HPS1: variants seen among roughly 807,000 people sequenced by gnomAD.
HPS1 encodes the protein HPS1 biogenesis of lysosomal organelles complex 3 subunit 1.
Under a neutral mutation model 90.6 loss-of-function variants are expected in HPS1, and 59 were observed. The observed-to-expected ratio is 0.65, with a 90% CI of 0.53 to 0.81. The LOEUF is 0.81. Ranked by LOEUF, HPS1 falls within the 30% of genes least tolerant of loss-of-function variation. The pLI is 0.00. For missense variants in HPS1, 849 were observed against 896.7 expected (o/e 0.95, Z 0.68); for synonymous variants, 388 against 384.4 (o/e 1.01, Z -0.11).
chr10:98,415,730 G>C (rs1403785947), downstream of HPS1, among the ~76,000 whole-genome samples: 1 of 152,216 alleles, frequency 6.6e-6, no homozygotes, highest in Non-Finnish European at 1.5e-5. Flanking sequence ...AGCTGTGTCT[G>C]TCGCTGAGGA....
chr10:98,415,162 G>A (rs758285830), downstream of HPS1: 5 of 1,607,482 alleles, frequency 3.1e-6, no homozygotes, highest in East Asian at 2.2e-5. Context: ...GCCTTGCTAG[G>A]CAGGGAGTTT....
chr10:98,422,504 T>C lies in HPS1; in HGVS notation c.1608A>G (p.Glu536=). 2 of 1,613,974 alleles carry C rather than the reference T, an allele frequency of 1.2e-6. No individual in the cohort carries two copies. The highest frequency in any genetic ancestry group is 1.7e-6 in the Non-Finnish European group (2 of 1,180,006). The change falls in exon 17 of 20, where the codon GAA becomes GAG. Residue 536 remains glutamate (E), a synonymous_variant. Transcript: ENST00000361490. ...RRNITMVSYL[E]DFPGLVHFIY... ...TGAAGTGCACCAAGCCTGGGAAGTC[T>C]TCTAGGTAGGTGAAGGTCTGAGTTA...
chr10:98,418,305 G>T (rs1346085941), intron 18 of HPS1, 48 bp from the exon 19 acceptor site: 2 of 1,125,952 alleles, frequency 1.8e-6, no homozygotes, highest in Admixed American at 1.9e-5. Flanking sequence ...TAGTGCAAGG[G>T]CCTGAGTCAG....
At position 98,430,441 on chromosome 10, in the gene HPS1, C is replaced by T; in HGVS notation, c.768+130G>A. On this transcript the variant is annotated intron_variant, in intron 8 of 19. Coordinates refer to ENST00000361490, the MANE Select transcript of HPS1 (RefSeq NM_000195.5). ...AAAGCAGTGGGAAAGAAGTCACGCC[C>T]AACCACACACCCAGAATTGTGACTT... 8.0e-6 allele frequency: 6 copies of T among 746,388 alleles called. No homozygotes were observed. The South Asian group carries it at 8.9e-5, about 11-fold the overall frequency. 46.2% of individuals were successfully genotyped at this position (746,388 alleles called of 1,614,324 possible).
intron 6 of HPS1, 100 bp from the exon 7 acceptor site, chr10:98,431,391 T>G (rs1399580823): frequency 7.9e-7 from 1 of 1,263,316 alleles, no homozygotes; most frequent in Non-Finnish European, 1.1e-6. Flanking sequence ...CACAGTGAGC[T>G]TGGACTCTGC....
At position 98,445,197 on chromosome 10, in the gene HPS1, T is replaced by C. The variant is rs1939274083; in HGVS notation, c.-1+103A>G. 1 of 152,480 alleles carries C rather than the reference T, an allele frequency of 6.6e-6. No homozygotes were observed. The highest frequency in any genetic ancestry group is 1.5e-5 in the Non-Finnish European group (1 of 68,326). The allele number at this position is 152,480 out of a possible 1,614,324, so 9.4% of individuals were successfully genotyped here. On this transcript the variant is annotated intron_variant, in intron 2 of 19. Transcript: ENST00000361490. The surrounding 1 kb of genome is among the most constrained non-coding windows in gnomAD (Gnocchi z 4.5). ...GGATGAGCAGGTGTGCAGAGCCCAG[T>C]AGCACTCAGTCCACTGCCTACCTCA... is the stretch of plus-strand genomic sequence containing the variant.
chr10:98,435,452 G>A lies in HPS1; in HGVS notation c.256-38C>T. The A allele has an allele frequency of 6.2e-7, 1 of 1,613,536 alleles. No homozygotes were observed. Among genetic ancestry groups the A allele is most frequent in the Non-Finnish European group, 8.5e-7 (1 of 1,179,936 alleles). On this transcript the variant is annotated intron_variant, in intron 4 of 19. Coordinates refer to ENST00000361490, the MANE Select transcript of HPS1 (RefSeq NM_000195.5). The surrounding 1 kb of genome is among the most constrained non-coding windows in gnomAD (Gnocchi z 4.3). ...GCAGGCCAGTGTCAGCCAGCCCCAA[G>A]GGCACTCCCTTCACCTGCCCTGGTC...
chr10:98,426,437 G>C (rs1845612457), intron 11 of HPS1, among the ~76,000 whole-genome samples: 1 of 152,246 alleles, frequency 6.6e-6, no homozygotes, highest in African/African-American at 2.4e-5. Context: ...AAATGGGCAA[G>C]GCTCCAGCCT....
At chr10:98,433,049 T>G (rs769246863) in intron 6 of HPS1, among the ~76,000 whole-genome samples, 3 of 151,882 alleles carry the variant, frequency 2.0e-5, no homozygotes, top group Non-Finnish European at 2.9e-5. Flanking sequence ...CTGACCAACA[T>G]AGTGAAACCC....
chr10:98,446,830 G>A lies in HPS1; in HGVS notation c.-129C>T, dbSNP rs1008151971. On this transcript the variant is annotated 5_prime_UTR_variant, in exon 1 of 20. Coordinates refer to ENST00000361490, the MANE Select transcript of HPS1 (RefSeq NM_000195.5). ...ACCTCACTTCCGGGAGGGTTGAAGG[G>A]GGGCTCCGGAGGGAGGATCGCCGCC... The A allele has an allele frequency of 6.6e-6, 1 of 152,238 alleles. No individual in the cohort carries two copies. Among genetic ancestry groups the A allele is most frequent in the African/African-American group, 2.4e-5 (1 of 41,454 alleles). The allele number at this position is 152,238 out of a possible 1,614,324, so 9.4% of individuals were successfully genotyped here.
At chr10:98,426,052 A>C in intron 11 of HPS1, 67 bp from the exon 12 acceptor site, 1 of 1,364,292 alleles carries the variant, frequency 7.3e-7, no homozygotes, top group Non-Finnish European at 1.0e-6. Context: ...TTGCGGCCCT[A>C]TCTGTGAACC....
chr10:98,441,055 A>C (rs1442234745), intron 3 of HPS1, among the ~76,000 whole-genome samples: 1 of 152,188 alleles, frequency 6.6e-6, no homozygotes, highest in Non-Finnish European at 1.5e-5. Flanking sequence ...TGTTGATGGT[A>C]AATGGACTCC....
intron 3 of HPS1, among the ~76,000 whole-genome samples, chr10:98,437,382 C>T (rs1847492758): frequency 6.6e-6 from 1 of 152,200 alleles, no homozygotes; most frequent in Non-Finnish European, 1.5e-5. Flanking sequence ...ACTTATGAAT[C>T]TAGATGTTGA....
At chr10:98,428,838 G>GTT (rs1408848846) in intron 10 of HPS1, among the ~76,000 whole-genome samples, 3 of 149,150 alleles carry the variant, frequency 2.0e-5, no homozygotes, top group East Asian at 2.0e-4. Context: ...AATATTTGTA[G>GTT]TTTTGTTTTG....
Position 98,425,845 on chromosome 10 carries a change from C to G in HPS1, c.1128G>C (p.Gln376His). The stretch of plus-strand genomic sequence containing the variant: ...TGGTCAGGAGCACCAGGTTGATGCC[C>G]TGCCACAGGGGCAGGCAGTACATGG... ...PHTMYCLPLW[Q>H]GINLVLLTRS... The change falls in exon 12 of 20, where the codon CAG (glutamine) becomes CAC (histidine). Residue 376 changes from glutamine to histidine, a missense_variant. Physicochemically the swap from Gln to His is conservative, Grantham distance 24 (BLOSUM62 0). Transcript: ENST00000361490. 1 of 1,614,020 alleles carries G rather than the reference C, an allele frequency of 6.2e-7. No homozygotes were observed. The highest frequency in any genetic ancestry group is 1.1e-5 in the South Asian group (1 of 91,082).
At position 98,429,761 on chromosome 10, in the gene HPS1, C is replaced by G; in HGVS notation, c.867+30G>C. ...CCTGCAGAGGCCGATCCCCTCCTGC[C>G]CCTGACTCCACGAAGTGCACAGCAC... On this transcript the variant is annotated intron_variant, in intron 9 of 19. Coordinates refer to ENST00000361490, the MANE Select transcript of HPS1 (RefSeq NM_000195.5). 3 of 1,613,538 alleles carry G rather than the reference C, an allele frequency of 1.9e-6. No homozygotes were observed. In the South Asian group the frequency reaches 3.3e-5, roughly 18 times the overall value.
chr10:98,433,315 G>A (rs1846787897), intron 6 of HPS1, among the ~76,000 whole-genome samples: 1 of 151,844 alleles, frequency 6.6e-6, no homozygotes, highest in Non-Finnish European at 1.5e-5. Context: ...GTGAGGCCCA[G>A]TAACCTGTAT....
At chr10:98,431,423 G>T (rs1429188079) in intron 6 of HPS1, 132 bp from the exon 7 acceptor site, 1 of 951,846 alleles carries the variant, frequency 1.1e-6, no homozygotes, top group East Asian at 2.6e-5. Context: ...GGAAACAGGG[G>T]GACTAAGACC....
chr10:98,423,814 G>A lies in HPS1; in HGVS notation c.1471C>T (p.Pro491Ser), dbSNP rs767400583. ...IYRLNFLTTA[P>S]SRGGPHLPQH... ...GGCAGGTGTGGGCCTCCCCTGCTGG[G>A]GGCTGTGGTCAGAAAGTTCAGCCGG... is the stretch of plus-strand genomic sequence containing the variant. Residue 491 changes from proline to serine, a missense_variant, in exon 15 of 20, where the codon CCC (proline) becomes TCC (serine). Transcript: ENST00000361490. 52 of 1,613,996 alleles carry A rather than the reference G, an allele frequency of 3.2e-5. No individual in the cohort carries two copies. The South Asian group carries it at 4.8e-4, about 15-fold the overall frequency.
Sources: gnomAD v4.1 joint callset for allele counts (sites outside exome capture counted in the v4.1 genomes callset) on GRCh38, gnomAD v4.1.1 for gene constraint, Gnocchi (gnomAD v3.1) non-coding constraint, MANE v1.5 for transcripts, NCBI Gene and HGNC (gene_info 2026-07-23, HGNC 2026-07-21) for gene names.